CREBL2: variants seen among roughly 807,000 people sequenced by gnomAD.
The protein encoded by CREBL2 is cAMP-responsive element-binding protein-like 2.
Under a neutral mutation model 19.5 loss-of-function variants are expected in CREBL2, and 4 were observed. The ratio of observed to expected loss-of-function variants is 0.20; its 90% confidence interval spans 0.10 to 0.47. The LOEUF (loss-of-function observed/expected upper bound fraction) is 0.47, where lower values mean the gene tolerates loss of function less well. Among genes scored for constraint, CREBL2 ranks in the 20% least tolerant of loss-of-function variants. CREBL2 has a pLI of 0.98. For missense variants in CREBL2, 85 were observed against 145.1 expected (o/e 0.59, Z 2.13); for synonymous variants, 42 against 46.6 (o/e 0.90, Z 0.40).
At chr12:12,632,179 G>A (rs542707170) in intron 1 of CREBL2, among the ~76,000 whole-genome samples, 31 of 132,874 alleles carry the variant, frequency 2.3e-4, no homozygotes, top group Middle Eastern at 4.1e-3. Flanking sequence ...CCGGGTTCAC[G>A]CCATTCTCCT....
At position 12,611,901 on chromosome 12, in the gene CREBL2, T is replaced by C; in HGVS notation, c.-272T>C. On this transcript the variant is annotated 5_prime_UTR_variant, in exon 1 of 4. Transcript: ENST00000228865. ...GGTCTCGGCGGCTCTCCAGAGCGTC[T>C]GTAAACACCCAGAGACTGTCATGGA... 1 of 531,340 alleles carries C rather than the reference T, an allele frequency of 1.9e-6. No individual in the cohort carries two copies. The highest frequency in any genetic ancestry group is 3.3e-6 in the Non-Finnish European group (1 of 300,266). The allele number at this position is 531,340 out of a possible 1,614,324, so 32.9% of individuals were successfully genotyped here.
In CREBL2 at chr12:12,642,234, A is replaced by C. The variant is rs1346000907; in HGVS notation, c.*236A>C. 2 of 368,786 alleles carry C rather than the reference A, an allele frequency of 5.4e-6. No individual in the cohort carries two copies. The highest frequency in any genetic ancestry group is 7.9e-5 in the East Asian group (2 of 25,472). 22.8% of individuals were successfully genotyped at this position (368,786 alleles called of 1,614,324 possible). On this transcript the variant is annotated 3_prime_UTR_variant, in exon 4 of 4. Transcript: ENST00000228865. The stretch of plus-strand genomic sequence containing the variant: ...CCTGTCTGGGTTGGTATTGCCACCC[A>C]TGACATTTAACATGTTGTGATGCTT...
chr12:12,612,543 G>A (rs1254978778), intron 1 of CREBL2, among the ~76,000 whole-genome samples: 1 of 152,056 alleles, frequency 6.6e-6, no homozygotes, highest in East Asian at 1.9e-4. Flanking sequence ...TTTAGTGCAC[G>A]CTGAACCAGC....
chr12:12,618,900 G>A (rs930471082), intron 1 of CREBL2, among the ~76,000 whole-genome samples: 10 of 152,196 alleles, frequency 6.6e-5, no homozygotes, highest in Non-Finnish European at 1.5e-4. Flanking sequence ...CCAGTCAGGC[G>A]TGGCGGCGCA....
chr12:12,620,549 G>T (rs1009142755), intron 1 of CREBL2, among the ~76,000 whole-genome samples: 8 of 152,108 alleles, frequency 5.3e-5, no homozygotes, highest in African/African-American at 1.7e-4. Context: ...TCTTGTCTAG[G>T]TTACATGCAC....
At chr12:12,621,211 C>T (rs752438754) in intron 1 of CREBL2, among the ~76,000 whole-genome samples, 35 of 152,084 alleles carry the variant, frequency 2.3e-4, no homozygotes, top group Non-Finnish European at 4.1e-4. Context: ...GGCTGTGTTC[C>T]AGTAAAACTG....
At chr12:12,628,688 T>C (rs1170763188) in intron 1 of CREBL2, among the ~76,000 whole-genome samples, 1 of 152,064 alleles carries the variant, frequency 6.6e-6, no homozygotes, top group Non-Finnish European at 1.5e-5. Flanking sequence ...CCAGCTTCAC[T>C]GCAGTCTTGA....
In CREBL2 at chr12:12,641,250, A is replaced by ATTTTTTTTTTTTTTTTTTTTTTTTTTT. The variant is rs1248375488; in HGVS notation, c.359-742_359-741insTTTTTTTTTTTTTTTTTTTTTTTTTTT. Among the ~76,000 whole-genome samples, 7 of 58,018 alleles carry ATTTTTTTTTTTTTTTTTTTTTTTTTTT rather than the reference A, an allele frequency of 1.2e-4. 1 individual carries two copies. The highest frequency in any genetic ancestry group is 1.8e-4 in the African/African-American group (3 of 16,426). 38.1% of individuals were successfully genotyped at this position (58,018 alleles called of 152,430 possible). On this transcript the variant is annotated intron_variant, in intron 3 of 3. Coordinates refer to ENST00000228865, the MANE Select transcript of CREBL2 (RefSeq NM_001310.4). ...CTTTATTATTATTATTATTATTATT[A>ATTTTTTTTTTTTTTTTTTTTTTTTTTT]TTATTTTTTTTTATTTTTTTTTTTT...
intron 1 of CREBL2, among the ~76,000 whole-genome samples, chr12:12,629,482 C>A (rs1945426780): frequency 6.6e-6 from 1 of 152,112 alleles, no homozygotes; most frequent in Non-Finnish European, 1.5e-5. Context: ...TGGACCCTTG[C>A]TCTACTCATT....
chr12:12,635,971 A>C lies in CREBL2; in HGVS notation c.210A>C (p.Glu70Asp). ...RAICALREEL[E>D]MYKQWCMAMD... The stretch of plus-strand genomic sequence containing the variant: ...TATGTGCCCTCAGAGAGGAACTGGA[A>C]ATGGTAAGAAATCGTCAGTAAACAC... Residue 70 changes from glutamate (E) to aspartate (D), a missense_variant, in exon 2 of 4, where the codon GAA becomes GAC. By Grantham distance (45) the Glu-to-Asp change is conservative. This residue lies in a region of CREBL2 where 22 missense variants were observed against 46.7 expected (regional missense o/e 0.47). Coordinates refer to ENST00000228865, the MANE Select transcript of CREBL2 (RefSeq NM_001310.4). 1.2e-6 allele frequency: 2 copies of C among 1,612,126 alleles called. No individual in the cohort carries two copies. The highest frequency in any genetic ancestry group is 1.7e-6 in the Non-Finnish European group (2 of 1,179,140).
intron 3 of CREBL2, among the ~76,000 whole-genome samples, chr12:12,641,253 A>ATTTTTTTTTTTTTTTTTTTTTTTTTTTTT (rs142404101): frequency 2.6e-5 from 2 of 78,262 alleles, no homozygotes; most frequent in Admixed American, 1.5e-4. Context: ...TATTATTATT[A>ATTTTTTTTTTTTTTTTTTTTTTTTTTTTT]TTTTTTTTTA....
chr12:12,613,393 C>G (rs1439393060), intron 1 of CREBL2, among the ~76,000 whole-genome samples: 1 of 152,214 alleles, frequency 6.6e-6, no homozygotes, highest in Non-Finnish European at 1.5e-5. Flanking sequence ...ATACTCTTTA[C>G]GATAGCTTTG....
intron 1 of CREBL2, among the ~76,000 whole-genome samples, chr12:12,612,667 A>G (rs1258647573): frequency 6.6e-6 from 1 of 152,082 alleles, no homozygotes; most frequent in Non-Finnish European, 1.5e-5. Flanking sequence ...GAACACCGCT[A>G]AGCTCCTGTT....
At chr12:12,623,495 G>T (rs1177783698) in intron 1 of CREBL2, among the ~76,000 whole-genome samples, 1 of 152,162 alleles carries the variant, frequency 6.6e-6, no homozygotes, top group Non-Finnish European at 1.5e-5. Context: ...AATAAAACAA[G>T]ATTTGCCCTT....
In CREBL2 at chr12:12,642,107, G is replaced by C. The variant is rs969762077; in HGVS notation, c.*109G>C. ...TCCATTTACTACCTACTGCTCAGTA[G>C]TCATCTCTGTAAATCTGCAATTTCT... On this transcript the variant is annotated 3_prime_UTR_variant, in exon 4 of 4. Coordinates refer to ENST00000228865, the MANE Select transcript of CREBL2 (RefSeq NM_001310.4). 4.7e-5 allele frequency: 33 copies of C among 704,730 alleles called. No individual in the cohort carries two copies. Among genetic ancestry groups the C allele is most frequent in the Non-Finnish European group, 7.5e-5 (33 of 437,852 alleles). The allele number at this position is 704,730 out of a possible 1,614,324, so 43.7% of individuals were successfully genotyped here.
intron 1 of CREBL2, among the ~76,000 whole-genome samples, chr12:12,623,618 G>A (rs1945378300): frequency 6.6e-6 from 1 of 152,124 alleles, no homozygotes; most frequent in South Asian, 2.1e-4. Context: ...GATAGAGAGG[G>A]TGCCTGCTGG....
At chr12:12,620,827 A>C (rs1945353411) in intron 1 of CREBL2, among the ~76,000 whole-genome samples, 1 of 152,228 alleles carries the variant, frequency 6.6e-6, no homozygotes, top group South Asian at 2.1e-4. Flanking sequence ...AACTGTTCTC[A>C]GGGAACATTT....
chr12:12,621,523 C>CAAAAAAAAA (rs61201510), intron 1 of CREBL2, among the ~76,000 whole-genome samples: 2 of 64,876 alleles, frequency 3.1e-5, no homozygotes, highest in Admixed American at 1.5e-4. Flanking sequence ...CGTCTCAAAC[C>CAAAAAAAAA]AAAAAAAAAA....
At chr12:12,630,444 G>C (rs777947862) in intron 1 of CREBL2, among the ~76,000 whole-genome samples, 1 of 151,996 alleles carries the variant, frequency 6.6e-6, no homozygotes, top group Non-Finnish European at 1.5e-5. Context: ...TAGTAATGGT[G>C]TCTCTTTCGG....
Sources: gnomAD v4.1 joint callset for allele counts (sites outside exome capture counted in the v4.1 genomes callset) on GRCh38, gnomAD v4.1.1 for gene constraint, gnomAD v4.1.1 regional missense constraint, MANE v1.5 for transcripts, NCBI Gene and HGNC (gene_info 2026-07-23, HGNC 2026-07-21) for gene names.